The following AKT3 variants were observed in gnomAD, a reference collection of about 807,000 sequenced individuals.
AKT3 encodes the protein AKT serine/threonine kinase 3, also known as RAC-gamma serine/threonine-protein kinase.
In AKT3, 15 loss-of-function variants were observed where a neutral mutation model predicts 65.3. The ratio of observed to expected loss-of-function variants is 0.23; its 90% CI spans 0.15 to 0.35. AKT3 has a LOEUF of 0.35. Among genes scored for constraint, AKT3 ranks in the 10% least tolerant of loss-of-function variants. The pLI is 1.00. For synonymous variants in AKT3, 206 were observed against 183.8 expected, an observed-to-expected ratio of 1.12 and a Z score of -0.98; for missense variants, 243 against 576.5, an observed-to-expected ratio of 0.42 and a Z score of 5.92.
intron 2 of AKT3, among the ~76,000 whole-genome samples, chr1:243,752,078 T>C (rs920115887): frequency 2.6e-5 from 4 of 152,150 alleles, no homozygotes; most frequent in African/African-American, 9.7e-5. Context: ...ACAGTGCAGG[T>C]TGGGCGACCT....
intron 8 of AKT3, among the ~76,000 whole-genome samples, chr1:243,583,599 C>G (rs1346893862): frequency 1.4e-5 from 2 of 147,552 alleles, no homozygotes; most frequent in African/African-American, 5.0e-5. Flanking sequence ...ACAAAAAAAC[C>G]CTGAAATCAT....
chr1:243,820,774 T>C (rs1693809708), intron 2 of AKT3, among the ~76,000 whole-genome samples: 3 of 152,256 alleles, frequency 2.0e-5, no homozygotes, highest in South Asian at 2.1e-4. Flanking sequence ...CTGAGAACTA[T>C]GGGATTATGT....
downstream of AKT3, among the ~76,000 whole-genome samples, chr1:243,495,262 C>T (rs1043416614): frequency 2.0e-5 from 3 of 152,214 alleles, no homozygotes; most frequent in Admixed American, 6.5e-5. Flanking sequence ...TCCCTCTCCC[C>T]GCCAAGTCCA....
At chr1:243,592,525 T>A (rs1169221460) in intron 8 of AKT3, among the ~76,000 whole-genome samples, 1 of 151,772 alleles carries the variant, frequency 6.6e-6, no homozygotes, top group Non-Finnish European at 1.5e-5. Context: ...TGACAGAAAC[T>A]GTATAAGCCA....
intron 3 of AKT3, 149 bp from the exon 4 acceptor site, chr1:243,665,032 A>G: frequency 2.6e-6 from 1 of 381,702 alleles, no homozygotes; most frequent in Non-Finnish European, 4.6e-6. Flanking sequence ...TTACAGCCTG[A>G]CCTTAGTCTT....
At chr1:243,591,002 A>G (rs1379358178) in intron 8 of AKT3, among the ~76,000 whole-genome samples, 1 of 152,222 alleles carries the variant, frequency 6.6e-6, no homozygotes, top group Non-Finnish European at 1.5e-5. Context: ...GGAAAACAAA[A>G]CAAAACAAAA....
intron 2 of AKT3, among the ~76,000 whole-genome samples, chr1:243,810,390 A>G (rs1204797140): frequency 1.3e-5 from 2 of 152,308 alleles, no homozygotes; most frequent in Non-Finnish European, 2.9e-5. Flanking sequence ...AGAGAATACT[A>G]TAAACACCTC....
intron 2 of AKT3, among the ~76,000 whole-genome samples, chr1:243,808,447 G>A (rs768020600): frequency 1.3e-5 from 2 of 152,148 alleles, no homozygotes; most frequent in Non-Finnish European, 2.9e-5. Flanking sequence ...AAGATCAAAT[G>A]AATGAAATGA....
At chr1:243,795,079 T>C (rs1021981910) in intron 2 of AKT3, among the ~76,000 whole-genome samples, 4 of 152,110 alleles carry the variant, frequency 2.6e-5, no homozygotes. Flanking sequence ...TGATCCCTTA[T>C]GGTATCTGTT....
intron 2 of AKT3, among the ~76,000 whole-genome samples, chr1:243,794,933 T>G (rs541112759): frequency 2.6e-5 from 4 of 152,354 alleles, no homozygotes; most frequent in African/African-American, 9.6e-5. Flanking sequence ...GTTGACGTTG[T>G]TTGCCTGCTG....
At chr1:243,673,615 T>A (rs1379710178) in intron 3 of AKT3, among the ~76,000 whole-genome samples, 2 of 149,574 alleles carry the variant, frequency 1.3e-5, no homozygotes, top group African/African-American at 2.5e-5. Flanking sequence ...TATGAGATTT[T>A]TTTTTTTTTT....
At chr1:243,564,568 T>C (rs1287428572) in intron 9 of AKT3, among the ~76,000 whole-genome samples, 1 of 151,968 alleles carries the variant, frequency 6.6e-6, no homozygotes, top group Non-Finnish European at 1.5e-5. Context: ...AATTATGAAA[T>C]GTAAGAGAGG....
chr1:243,712,581 C>T (rs1255480528), intron 2 of AKT3, among the ~76,000 whole-genome samples: 1 of 151,124 alleles, frequency 6.6e-6, no homozygotes, highest in Non-Finnish European at 1.5e-5. Context: ...CCACATTGGG[C>T]GGAAAAAAGA....
chr1:243,806,288 G>C (rs552188716), intron 2 of AKT3, among the ~76,000 whole-genome samples: 1 of 152,212 alleles, frequency 6.6e-6, no homozygotes, highest in African/African-American at 2.4e-5. Context: ...GGTGCAAGGA[G>C]CACGTTTTAT....
chr1:243,645,456 C>T (rs1029224628), intron 5 of AKT3, among the ~76,000 whole-genome samples: 1 of 152,202 alleles, frequency 6.6e-6, no homozygotes, highest in Admixed American at 6.5e-5. Context: ...AGATTGTTCA[C>T]TTTCCTGCTG....
intron 4 of AKT3, among the ~76,000 whole-genome samples, chr1:243,653,533 C>G (rs1018320731): frequency 1.3e-5 from 2 of 152,112 alleles, no homozygotes; most frequent in South Asian, 4.1e-4. Context: ...ATGTTCCATC[C>G]TGATCAATGT....
chr1:243,660,323 G>A (rs569473487), intron 4 of AKT3, among the ~76,000 whole-genome samples: 2 of 152,074 alleles, frequency 1.3e-5, no homozygotes, highest in East Asian at 1.9e-4. Flanking sequence ...GATCTGTGGT[G>A]ATATCGAATC....
chr1:243,582,700 T>C (rs1339086158), intron 8 of AKT3, among the ~76,000 whole-genome samples: 1 of 151,982 alleles, frequency 6.6e-6, no homozygotes, highest in African/African-American at 2.4e-5. Context: ...AAACACACAC[T>C]AGAAAGTGTA....
At chr1:243,590,040 C>T (rs1676115608) in intron 8 of AKT3, among the ~76,000 whole-genome samples, 1 of 152,106 alleles carries the variant, frequency 6.6e-6, no homozygotes, top group Admixed American at 6.6e-5. Context: ...CTAAAAGAAT[C>T]AAACTCACAG....
Sources: gnomAD v4.1 joint callset for allele counts (sites outside exome capture counted in the v4.1 genomes callset) on GRCh38, gnomAD v4.1.1 for gene constraint, MANE v1.5 for transcripts, NCBI Gene and HGNC (gene_info 2026-07-23, HGNC 2026-07-21) for gene names.